Variants in TTLL8 observed in about 807,000 individuals in gnomAD.
TTLL8 encodes the protein protein monoglycylase TTLL8.
A neutral mutation model predicts 77.8 loss-of-function variants in TTLL8; 65 were observed. The ratio of observed to expected loss-of-function variants is 0.84; its 90% CI spans 0.68 to 1.03. TTLL8 has a LOEUF of 1.03. Ranked by LOEUF, TTLL8 falls within the 50% of genes least tolerant of loss-of-function variation. TTLL8 has a pLI of 0.00. For missense variants in TTLL8, 910 were observed against 1,004.5 expected (o/e 0.91, Z 1.27); for synonymous variants, 402 against 422.8 (o/e 0.95, Z 0.60).
chr22:50,054,571 C>T, intron 1 of TTLL8: 2 of 241,342 alleles, frequency 8.3e-6, no homozygotes, highest in Admixed American at 4.1e-5. Flanking sequence ...GTGTGGGGAA[C>T]CTACGCAGGC....
In TTLL8 at chr22:50,041,328, C is replaced by A. The variant is rs368889242; in HGVS notation, c.831-51G>T. The A allele has an allele frequency of 3.2e-5, 17 of 524,540 alleles. No homozygotes were observed. Among genetic ancestry groups the A allele is most frequent in the Non-Finnish European group, 5.5e-5 (15 of 273,046 alleles). 32.5% of individuals were successfully genotyped at this position (524,540 alleles called of 1,614,324 possible). ...GTCATCAGGGTCCTGGTGGGACAGG[C>A]AACAGAGGGCCTGGGCACCCCGACA... is the stretch of plus-strand genomic sequence containing the variant. On this transcript the variant is annotated intron_variant, in intron 7 of 13. Coordinates refer to ENST00000266182, the Ensembl canonical transcript of TTLL8. This position sits in a 1 kb window ranked among gnomAD's most constrained non-coding sequence, Gnocchi z 4.3.
intron 1 of TTLL8, among the ~76,000 whole-genome samples, chr22:50,052,159 G>A (rs1307708806): frequency 1.3e-5 from 2 of 152,092 alleles, no homozygotes. Context: ...TCTGAGGCCT[G>A]TCACCCGCCC....
chr22:50,034,615 G>C lies in TTLL8; in HGVS notation c.922-153C>G. ...GGTCTGGGGCTGGCCTGGCGGGAAA[G>C]GGCTGCGGGTCGGCCCAGGAAGTTC... On this transcript the variant is annotated intron_variant, in intron 8 of 13. Coordinates refer to ENST00000266182, the Ensembl canonical transcript of TTLL8. This position sits in a 1 kb window ranked among gnomAD's most constrained non-coding sequence, Gnocchi z 4.1. 1.3e-6 allele frequency: 1 copy of C among 747,818 alleles called. No individual in the cohort carries two copies. Among genetic ancestry groups the C allele is most frequent in the Non-Finnish European group, 1.9e-6 (1 of 531,374 alleles). The allele number at this position is 747,818 out of a possible 1,614,324, so 46.3% of individuals were successfully genotyped here.
At chr22:50,027,071 T>C (rs956548793) in intron 12 of TTLL8, among the ~76,000 whole-genome samples, 6 of 151,918 alleles carry the variant, frequency 3.9e-5, no homozygotes, top group African/African-American at 1.2e-4. Flanking sequence ...CCATCTCTAC[T>C]AAAAATACAA....
chr22:50,036,602 CTTTTTTTTTTT>C (rs763378045), intron 8 of TTLL8, among the ~76,000 whole-genome samples: 1 of 141,160 alleles, frequency 7.1e-6, no homozygotes, highest in South Asian at 2.3e-4. Context: ...CTTTTCTTTT[CTTTTTTTTTTT>C]TTTTAAGACT....
At chr22:50,019,020 A>G (rs1569216803) in intron 12 of TTLL8, among the ~76,000 whole-genome samples, 1 of 152,244 alleles carries the variant, frequency 6.6e-6, no homozygotes, top group Non-Finnish European at 1.5e-5. Flanking sequence ...TGTTAAAAAC[A>G]TTATTAAACA....
intron 12 of TTLL8, among the ~76,000 whole-genome samples, chr22:50,028,977 C>A (rs2061258766): frequency 1.2e-5 from 1 of 82,214 alleles, no homozygotes; most frequent in Admixed American, 1.3e-4. Flanking sequence ...CCTGAAGACC[C>A]CCACACACAC....
rs760465180 is a variant in TTLL8 at position 50,032,081 on chromosome 22, G to A, written c.1312C>T (p.Gln438Ter). 5 of 1,363,912 alleles carry A rather than the reference G, an allele frequency of 3.7e-6. No individual in the cohort carries two copies. In the South Asian group the frequency reaches 5.7e-5, roughly 15 times the overall value. The allele number at this position is 1,363,912 out of a possible 1,614,324, so 84.5% of individuals were successfully genotyped here. ...CCCACATCATTCTTCAGGTACTTCT[G>A]GACGGCGTTGTTGCACAGGTGGATG... Residue 438 changes from glutamine to a stop codon, truncating the protein, a stop_gained, in exon 11 of 14, where the codon CAG becomes TAG. Coordinates refer to ENST00000266182, the Ensembl canonical transcript of TTLL8. LOFTEE classifies it high-confidence loss of function.
upstream of TTLL8, chr22:50,055,070 TA>T (rs2146704386): frequency 1.2e-6 from 1 of 862,364 alleles, no homozygotes; most frequent in Admixed American, 6.2e-5. Context: ...AAAAATAAGT[TA>T]AGTAAATAAA....
upstream of TTLL8, among the ~76,000 whole-genome samples, chr22:50,056,227 G>A (rs1450673515): frequency 6.6e-6 from 1 of 152,328 alleles, no homozygotes; most frequent in East Asian, 1.9e-4. This position sits in a 1 kb window ranked among gnomAD's most constrained non-coding sequence, Gnocchi z 4.1. Flanking sequence ...TGAGGCCATA[G>A]CGCGATTTAA....
At position 50,050,772 on chromosome 22, in the gene TTLL8, TTC is replaced by T. The variant is rs571673203; in HGVS notation, c.52-527_52-526del. ...TGCATGAAAAAAGCATTGTAAAACT[TTC>T]TGTTCTGTTAGCTGATGCATGCAGC... is the stretch of plus-strand genomic sequence containing the variant. On this transcript the variant is annotated intron_variant, in intron 1 of 13. Transcript: ENST00000266182. Among the ~76,000 whole-genome samples the T allele has an allele frequency of 5.6e-4, 85 of 152,326 alleles. 1 individual carries two copies. The highest frequency in any genetic ancestry group is 1.1e-3 in the Non-Finnish European group (74 of 68,034).
Position 50,045,904 on chromosome 22 carries a change from GGAA to G in TTLL8, c.457_459del (p.Phe153del), listed in dbSNP as rs780244661. On this transcript the variant is annotated inframe_deletion, in exon 5 of 14. Transcript: ENST00000266182. ...TCGGTGCAGAGGCTGTAGCAGCGTG[GGAA>G]GAAGGAGTCGGGGTTGGCCGGGACG... is the stretch of plus-strand genomic sequence containing the variant. 1.2e-5 allele frequency: 17 copies of G among 1,361,784 alleles called. No homozygotes were observed. In the South Asian group the frequency reaches 1.4e-4, roughly 11 times the overall value. 84.4% of individuals were successfully genotyped at this position (1,361,784 alleles called of 1,614,324 possible).
Position 50,027,842 on chromosome 22 carries a change from CCA to C in TTLL8, c.2203+2586_2203+2587del. 5 of 980,736 alleles carry C rather than the reference CCA, an allele frequency of 5.1e-6. 1 individual carries two copies. The highest frequency in any genetic ancestry group is 9.4e-5 in the South Asian group (2 of 21,198). The allele number at this position is 980,736 out of a possible 1,614,324, so 60.8% of individuals were successfully genotyped here. ...CCCAGCCAGGAGTCTGGAAGCAAGC[CCA>C]GCTCCTCCCGGCCGTGCCCTCGAGG... On this transcript the variant is annotated intron_variant, in intron 12 of 13. Transcript: ENST00000266182.
chr22:50,037,664 G>A (rs889074792), intron 8 of TTLL8, among the ~76,000 whole-genome samples: 29 of 152,110 alleles, frequency 1.9e-4, no homozygotes, highest in African/African-American at 6.5e-4. Flanking sequence ...AATTGCAGCA[G>A]CAGCTTGGTC....
upstream of TTLL8, chr22:50,057,066 G>GTCTGGGGTTGGGGATCAGC (rs2061474629): frequency 2.2e-6 from 2 of 901,796 alleles, no homozygotes; most frequent in East Asian, 6.2e-5. Flanking sequence ...TGAGGGTCAG[G>GTCTGGGGTTGGGGATCAGC]TCTGGGGTTG....
chr22:50,032,481 C>T (rs1200262836), intron 10 of TTLL8, among the ~76,000 whole-genome samples: 1 of 152,220 alleles, frequency 6.6e-6, no homozygotes, highest in Non-Finnish European at 1.5e-5. Flanking sequence ...TAGCCCCTGG[C>T]CAGCTCCTCC....
Position 50,034,406 on chromosome 22 carries a change from C to T in TTLL8, c.978G>A (p.Gly326=). The T allele has an allele frequency of 7.3e-7, 1 of 1,367,334 alleles. No homozygotes were observed. Among genetic ancestry groups the T allele is most frequent in the Non-Finnish European group, 9.8e-7 (1 of 1,021,830 alleles). 84.7% of individuals were successfully genotyped at this position (1,367,334 alleles called of 1,614,324 possible). A position where few individuals can be genotyped will look rare whatever the true frequency, so the allele number is the denominator to read the frequency against. ...GCTTTATAATCCAGATGTTCCGGAG[C>T]CCGTCAATGTCCGTCTGAGGGTTCA... The change falls in exon 9 of 14, where the codon GGG becomes GGA. Residue 326 remains glycine, a synonymous_variant. Coordinates refer to ENST00000266182, the Ensembl canonical transcript of TTLL8. The surrounding 1 kb of genome is among the most constrained non-coding windows in gnomAD (Gnocchi z 4.1).
Position 50,024,198 on chromosome 22 carries a change from G to A in TTLL8, c.2203+6232C>T, listed in dbSNP as rs532685355. Among the ~76,000 whole-genome samples, 6 of 152,206 alleles carry A rather than the reference G, an allele frequency of 3.9e-5. No individual in the cohort carries two copies. In the East Asian group the frequency reaches 9.7e-4, roughly 25 times the overall value. On this transcript the variant is annotated intron_variant, in intron 12 of 13. Transcript: ENST00000266182. ...GTCAACCAGGCTGGAGTGCAATGGC[G>A]CGATCTTGGCTCACTGCAACCTCCA...
At chr22:50,045,652 G>T in intron 5 of TTLL8, 1 of 683,228 alleles carries the variant, frequency 1.5e-6, no homozygotes, top group Non-Finnish European at 1.8e-6. Flanking sequence ...CACAAGCCTA[G>T]CACAGAACCA....
Sources: gnomAD v4.1 joint callset for allele counts (sites outside exome capture counted in the v4.1 genomes callset) on GRCh38, gnomAD v4.1.1 for gene constraint, Gnocchi (gnomAD v3.1) non-coding constraint, MANE v1.5 for transcripts, NCBI Gene and HGNC (gene_info 2026-07-23, HGNC 2026-07-21) for gene names.